The following WDR72 variants were observed in gnomAD, a reference collection of about 807,000 sequenced individuals.
WDR72 encodes WD repeat domain 72, also known as WD repeat-containing protein 72.
A neutral mutation model predicts 124.2 loss-of-function variants in WDR72; 120 were observed. That is an observed-to-expected ratio of 0.97 (90% CI 0.83 to 1.12). The LOEUF (loss-of-function observed/expected upper bound fraction) is 1.12. WDR72 is among the 50% of genes most tolerant of loss of function. The probability of loss-of-function intolerance (pLI) is 0.00; values close to 1 mark genes in which losing one functional copy is unlikely to be tolerated. For synonymous variants in WDR72, 452 were observed against 441.7 expected (o/e 1.02, Z -0.29); for missense variants, 1,387 against 1,278.8 (o/e 1.08, Z -1.29).
intron 15 of WDR72, among the ~76,000 whole-genome samples, chr15:53,613,974 C>T (rs2013655657): frequency 6.6e-6 from 1 of 151,990 alleles, no homozygotes; most frequent in Admixed American, 6.6e-5. Context: ...TAGGCTCCCA[C>T]CTAAAATCTT....
intron 2 of WDR72, among the ~76,000 whole-genome samples, chr15:53,731,332 T>C (rs958548609): frequency 3.9e-5 from 6 of 152,028 alleles, no homozygotes; most frequent in African/African-American, 1.4e-4. Flanking sequence ...TAATGTAGAA[T>C]AACTTTGCTT....
chr15:53,575,950 A>G, intron 18 of WDR72, among the ~76,000 whole-genome samples: 1 of 152,142 alleles, frequency 6.6e-6, no homozygotes, highest in African/African-American at 2.4e-5. Context: ...CACTGAGACC[A>G]CTGGTCTCCC....
intron 1 of WDR72, among the ~76,000 whole-genome samples, chr15:53,737,828 G>A (rs1251136484): frequency 6.6e-6 from 1 of 152,064 alleles, no homozygotes; most frequent in African/African-American, 2.4e-5. Flanking sequence ...ATAGATTCCT[G>A]CATCTAGGAA....
chr15:53,617,917 G>C (rs184394643), intron 14 of WDR72, among the ~76,000 whole-genome samples: 25 of 152,086 alleles, frequency 1.6e-4, no homozygotes, highest in Admixed American at 1.2e-3. Flanking sequence ...TGAGGACTGG[G>C]AGGTATAGTT....
In WDR72 at chr15:53,516,144, T is replaced by G. The variant is rs1891449232; in HGVS notation, c.*1555A>C. The G allele has an allele frequency of 6.6e-6, 1 of 152,148 alleles. No individual in the cohort carries two copies. Among genetic ancestry groups the G allele is most frequent in the Non-Finnish European group, 1.5e-5 (1 of 68,000 alleles). 9.4% of individuals were successfully genotyped at this position (152,148 alleles called of 1,614,324 possible). ...AATCAGTTTTCAAAGGATAATAATT[T>G]TCCATGATTATTCATATTAATGCTA... On this transcript the variant is annotated 3_prime_UTR_variant, in exon 20 of 20. Coordinates refer to ENST00000360509, the MANE Select transcript of WDR72 (RefSeq NM_182758.4).
At chr15:53,719,198 T>C (rs1266619138) in intron 3 of WDR72, among the ~76,000 whole-genome samples, 1 of 152,222 alleles carries the variant, frequency 6.6e-6, no homozygotes, top group Non-Finnish European at 1.5e-5. Context: ...ACATGAATGC[T>C]TGCTTTGCCA....
At chr15:53,599,790 T>C (rs142736053) in intron 17 of WDR72, among the ~76,000 whole-genome samples, 43 of 149,688 alleles carry the variant, frequency 2.9e-4, no homozygotes, top group Non-Finnish European at 6.0e-5. Flanking sequence ...TTCTTAAAAA[T>C]ATACAGGAAT....
chr15:53,653,997 G>T (rs1367980712), intron 14 of WDR72, among the ~76,000 whole-genome samples: 1 of 152,056 alleles, frequency 6.6e-6, no homozygotes, highest in Non-Finnish European at 1.5e-5. Flanking sequence ...ACCCAGTCTG[G>T]AAATCAACAC....
At chr15:53,649,033 A>T (rs1036818731) in intron 14 of WDR72, among the ~76,000 whole-genome samples, 1 of 152,126 alleles carries the variant, frequency 6.6e-6, no homozygotes, top group African/African-American at 2.4e-5. Flanking sequence ...AATAAAATAT[A>T]GTTCTTTCCA....
intron 2 of WDR72, among the ~76,000 whole-genome samples, chr15:53,726,778 A>C (rs1221747247): frequency 6.6e-6 from 1 of 152,168 alleles, no homozygotes; most frequent in Non-Finnish European, 1.5e-5. Context: ...CTAACAGTCA[A>C]GGCTGCAGCA....
At chr15:53,563,405 A>G (rs1380850493) in intron 18 of WDR72, among the ~76,000 whole-genome samples, 5 of 151,746 alleles carry the variant, frequency 3.3e-5, no homozygotes, top group Non-Finnish European at 7.4e-5. Context: ...TTGAGCTGTT[A>G]AAATAAAGGA....
At chr15:53,744,169 G>A (rs1423478889) in intron 1 of WDR72, among the ~76,000 whole-genome samples, 10 of 152,078 alleles carry the variant, frequency 6.6e-5, no homozygotes, top group Non-Finnish European at 1.5e-4. Flanking sequence ...CCTCCCATCA[G>A]CATGCCATCG....
chr15:53,740,675 T>C (rs1469051003), intron 1 of WDR72, among the ~76,000 whole-genome samples: 3 of 152,244 alleles, frequency 2.0e-5, no homozygotes, highest in African/African-American at 7.2e-5. Context: ...CTACAATGCC[T>C]GAAGAACAGT....
At chr15:53,533,049 G>C (rs1015844448) in intron 18 of WDR72, among the ~76,000 whole-genome samples, 2 of 152,098 alleles carry the variant, frequency 1.3e-5, no homozygotes, top group Non-Finnish European at 2.9e-5. Flanking sequence ...CTAACAGAAG[G>C]CTGGTGCTTT....
chr15:53,677,832 T>A (rs928182595), intron 13 of WDR72, among the ~76,000 whole-genome samples: 7 of 152,214 alleles, frequency 4.6e-5, no homozygotes, highest in Admixed American at 2.0e-4. Context: ...ATCATCATCA[T>A]CATCATCAAA....
intron 18 of WDR72, among the ~76,000 whole-genome samples, chr15:53,583,057 T>C (rs1450596816): frequency 1.3e-5 from 2 of 151,934 alleles, no homozygotes; most frequent in African/African-American, 4.8e-5. Context: ...CTCTACATAA[T>C]GCCTCATGAA....
intron 15 of WDR72, among the ~76,000 whole-genome samples, chr15:53,614,462 C>G (rs978214068): frequency 1.3e-5 from 2 of 152,108 alleles, no homozygotes; most frequent in South Asian, 4.2e-4. Context: ...AGTCTCTAAT[C>G]CTGACACCTT....
At chr15:53,567,397 G>A (rs1277949151) in intron 18 of WDR72, among the ~76,000 whole-genome samples, 1 of 151,766 alleles carries the variant, frequency 6.6e-6, no homozygotes, top group African/African-American at 2.4e-5. Context: ...GCTCCAACAG[G>A]CCCACCACTC....
upstream of WDR72, among the ~76,000 whole-genome samples, chr15:53,760,326 C>G (rs576850632): frequency 6.6e-6 from 1 of 150,968 alleles, no homozygotes; most frequent in East Asian, 2.0e-4. Flanking sequence ...ACTCCCCCAC[C>G]CCCCACTACC....
Sources: gnomAD v4.1 joint callset for allele counts (sites outside exome capture counted in the v4.1 genomes callset) on GRCh38, gnomAD v4.1.1 for gene constraint, MANE v1.5 for transcripts, NCBI Gene and HGNC (gene_info 2026-07-23, HGNC 2026-07-21) for gene names.